SAMSN1: variants seen among roughly 807,000 people sequenced by gnomAD.
SAMSN1 encodes the protein SAM domain, SH3 domain and nuclear localization signals 1, also known as SAM domain-containing protein SAMSN-1.
Under a neutral mutation model 42.0 loss-of-function variants are expected in SAMSN1, and 31 were observed. That is an observed-to-expected ratio of 0.74 (90% CI 0.55 to 1.00). The LOEUF is 1.00. Ranked by LOEUF, SAMSN1 falls within the 50% of genes least tolerant of loss-of-function variation. The probability of loss-of-function intolerance (pLI) is 0.00; values close to 1 mark genes in which losing one functional copy is unlikely to be tolerated. For synonymous variants in SAMSN1, 178 were observed against 151.9 expected (o/e 1.17, Z -1.26); for missense variants, 464 against 439.4 (o/e 1.06, Z -0.50).
At chr21:14,559,908 T>C (rs932448188) in intron 2 of SAMSN1, among the ~76,000 whole-genome samples, 2 of 152,196 alleles carry the variant, frequency 1.3e-5, no homozygotes, top group African/African-American at 4.8e-5. Context: ...ATTCTTGTTA[T>C]GCTGCAAGAT....
upstream of SAMSN1, among the ~76,000 whole-genome samples, chr21:14,548,162 A>G (rs995525933): frequency 2.0e-5 from 3 of 152,214 alleles, no homozygotes; most frequent in Non-Finnish European, 4.4e-5. Flanking sequence ...TTCTTCATCT[A>G]TGAATAAAAA....
At chr21:14,531,021 A>T (rs982978592) in intron 1 of SAMSN1, among the ~76,000 whole-genome samples, 1 of 152,044 alleles carries the variant, frequency 6.6e-6, no homozygotes, top group African/African-American at 2.4e-5. Context: ...TAGTCACATC[A>T]TTTTCAACTA....
At chr21:14,499,814 A>AAAACAATT (rs1387203928) in intron 6 of SAMSN1, among the ~76,000 whole-genome samples, 5 of 152,202 alleles carry the variant, frequency 3.3e-5, no homozygotes, top group African/African-American at 7.2e-5. Flanking sequence ...AATTCAGAAA[A>AAAACAATT]AAACAATTAA....
chr21:14,517,692 C>T (rs1987977890), intron 2 of SAMSN1, among the ~76,000 whole-genome samples: 1 of 152,150 alleles, frequency 6.6e-6, no homozygotes, highest in Non-Finnish European at 1.5e-5. Context: ...CTTATTTGGA[C>T]TGCTTCAGTC....
At chr21:14,626,126 C>T (rs1054328105) in intron 2 of SAMSN1, among the ~76,000 whole-genome samples, 1 of 152,042 alleles carries the variant, frequency 6.6e-6, no homozygotes, top group Non-Finnish European at 1.5e-5. Context: ...ACAAAAATTA[C>T]TTCAAGATGG....
chr21:14,537,842 G>A (rs749997920), intron 1 of SAMSN1, among the ~76,000 whole-genome samples: 8 of 151,940 alleles, frequency 5.3e-5, no homozygotes, highest in South Asian at 2.1e-4. Context: ...TTTTCATTTC[G>A]TAGGCCTGGG....
At chr21:14,571,211 A>G (rs1367754238) in intron 2 of SAMSN1, among the ~76,000 whole-genome samples, 1 of 152,232 alleles carries the variant, frequency 6.6e-6, no homozygotes. Flanking sequence ...GTTCACAATA[A>G]TCTGTTTCTA....
At chr21:14,544,310 C>T (rs566445733) in intron 1 of SAMSN1, among the ~76,000 whole-genome samples, 2 of 152,302 alleles carry the variant, frequency 1.3e-5, no homozygotes, top group African/African-American at 4.8e-5. Flanking sequence ...CTCGGCCCTG[C>T]AAAGTGCTGG....
chr21:14,542,467 C>T lies in SAMSN1; in HGVS notation c.57+3738G>A, dbSNP rs1488135965. On this transcript the variant is annotated intron_variant, in intron 1 of 7. Coordinates refer to ENST00000400566, the MANE Select transcript of SAMSN1 (RefSeq NM_022136.5). ...CACAGCAACTGACATGAAAATAAACCAATGATAAATATAGAAAAATAAAAT... is the reference window on the plus strand; with the variant it reads ...CACAGCAACTGACATGAAAATAAACTAATGATAAATATAGAAAAATAAAAT... Among the ~76,000 whole-genome samples the T allele has an allele frequency of 7.2e-5, 11 of 152,064 alleles. No homozygotes were observed. In the South Asian group the frequency reaches 2.3e-3, roughly 32 times the overall value.
intron 1 of SAMSN1, among the ~76,000 whole-genome samples, chr21:14,652,911 A>G (rs1983858850): frequency 6.6e-6 from 1 of 152,082 alleles, no homozygotes; most frequent in Non-Finnish European, 1.5e-5. Context: ...GGACATACAA[A>G]TGGCAAACAG....
At chr21:14,590,070 A>G (rs1051916521) in intron 7 of SAMSN1, among the ~76,000 whole-genome samples, 13 of 152,212 alleles carry the variant, frequency 8.5e-5, no homozygotes, top group Non-Finnish European at 1.9e-4. Flanking sequence ...TTTCATTATT[A>G]AAACTGTGCC....
chr21:14,605,440 GTTAAA>G (rs1229790434), intron 5 of SAMSN1, among the ~76,000 whole-genome samples: 1 of 152,198 alleles, frequency 6.6e-6, no homozygotes, highest in Non-Finnish European at 1.5e-5. Context: ...TTTGGCCAGA[GTTAAA>G]TTACCTGCTC....
Position 14,487,105 on chromosome 21 carries a change from T to C in SAMSN1, c.920-991A>G, listed in dbSNP as rs1986468608. Among the ~76,000 whole-genome samples, 4 of 152,116 alleles carry C rather than the reference T, an allele frequency of 2.6e-5. No individual in the cohort carries two copies. In the South Asian group the frequency reaches 8.3e-4, roughly 32 times the overall value. On this transcript the variant is annotated intron_variant, in intron 7 of 7. Transcript: ENST00000400566. ...TATCTTCCTCTTTCCCCTTCTAACC[T>C]TGGGGCTTCACCACTGTAGGCATCT...
chr21:14,614,309 T>C (rs553706648), intron 3 of SAMSN1, among the ~76,000 whole-genome samples: 1 of 152,268 alleles, frequency 6.6e-6, no homozygotes, highest in Non-Finnish European at 1.5e-5. Context: ...GTAGAATGGG[T>C]AGAAATAAAA....
At chr21:14,490,130 C>T (rs1381979517) in intron 7 of SAMSN1, among the ~76,000 whole-genome samples, 5 of 152,132 alleles carry the variant, frequency 3.3e-5, no homozygotes, top group Admixed American at 6.5e-5. Flanking sequence ...TACCATCTTG[C>T]TTGCCTTAGC....
At chr21:14,648,730 A>G (rs970188019) in intron 1 of SAMSN1, among the ~76,000 whole-genome samples, 5 of 151,738 alleles carry the variant, frequency 3.3e-5, no homozygotes, top group African/African-American at 1.2e-4. Flanking sequence ...ATACCATCTC[A>G]CACCAGTTAG....
At chr21:14,639,798 C>T (rs1460541158) in intron 2 of SAMSN1, among the ~76,000 whole-genome samples, 1 of 152,034 alleles carries the variant, frequency 6.6e-6, no homozygotes, top group East Asian at 1.9e-4. Flanking sequence ...TTCACTCCCG[C>T]TAGTTTTTGG....
Position 14,498,732 on chromosome 21 carries a change from C to T in SAMSN1, c.769-140G>A, listed in dbSNP as rs150909099. ...ACTTTTACTTAACTTCACTTGTATTCGTTTCTGACATATGAACTCCAGGGC... is the reference window on the plus strand; with the variant it reads ...ACTTTTACTTAACTTCACTTGTATTTGTTTCTGACATATGAACTCCAGGGC... On this transcript the variant is annotated intron_variant, in intron 6 of 7. Transcript: ENST00000400566. 542 of 586,744 alleles carry T rather than the reference C, an allele frequency of 9.2e-4. 3 individuals carry two copies. The African/African-American group carries it at 9.4e-3, about 10-fold the overall frequency. The allele number at this position is 586,744 out of a possible 1,614,324, so 36.3% of individuals were successfully genotyped here.
At chr21:14,500,474 T>C in intron 6 of SAMSN1, 55 bp downstream of exon 6, 1 of 1,454,008 alleles carries the variant, frequency 6.9e-7, no homozygotes, top group Non-Finnish European at 9.7e-7. Flanking sequence ...ATCCACTCCC[T>C]TCGGTGTTTC....
Sources: allele counts gnomAD v4.1 joint callset (sites outside exome capture counted in the v4.1 genomes callset), GRCh38; gene constraint gnomAD v4.1.1; transcripts MANE v1.5; gene names NCBI Gene and HGNC (gene_info 2026-07-23, HGNC 2026-07-21).